The following SZT2 variants were observed in gnomAD, a reference collection of about 807,000 sequenced individuals.
SZT2 encodes SZT2 subunit of KICSTOR complex, also known as KICSTOR complex protein SZT2.
Under a neutral mutation model 404.2 loss-of-function variants are expected in SZT2, and 216 were observed. The observed-to-expected ratio is 0.53, with a 90% confidence interval of 0.48 to 0.60. The LOEUF (loss-of-function observed/expected upper bound fraction) is 0.60, where lower values mean the gene tolerates loss of function less well. Among genes scored for constraint, SZT2 ranks in the 20% least tolerant of loss-of-function variants. The probability of loss-of-function intolerance (pLI) is 0.00; values close to 1 mark genes in which losing one functional copy is unlikely to be tolerated. For synonymous variants in SZT2, 1,693 were observed against 1,749.9 expected, an observed-to-expected ratio of 0.97 and a Z score of 0.81; for missense variants, 3,857 against 4,459.2, an observed-to-expected ratio of 0.86 and a Z score of 3.85.
At position 43,450,577 on chromosome 1, in the gene SZT2, A is replaced by T. The variant is rs1488707120; in HGVS notation, c.*97A>T. The T allele has an allele frequency of 1.3e-6, 2 of 1,530,122 alleles. No individual in the cohort carries two copies. Among genetic ancestry groups the T allele is most frequent in the Non-Finnish European group, 1.8e-6 (2 of 1,123,606 alleles). The allele number at this position is 1,530,122 out of a possible 1,614,324, so 94.8% of individuals were successfully genotyped here. ...GGACTGACCAGCCCTTCTGGGCCCCAGGGCAAGCCAGACACTGAGTGACAC... is the reference window on the plus strand; with the variant it reads ...GGACTGACCAGCCCTTCTGGGCCCCTGGGCAAGCCAGACACTGAGTGACAC... On this transcript the variant is annotated 3_prime_UTR_variant, in exon 72 of 72. Transcript: ENST00000634258. The surrounding 1 kb of genome is among the most constrained non-coding windows in gnomAD (Gnocchi z 4.3).
rs933271091 is a variant in SZT2 at position 43,425,097 on chromosome 1, C to T, written c.2551-16C>T. Reference sequence around the variant, plus strand: ...CTTGGCTGGGATTTGCCCAAGATCTCCCATTTTGCCCACAGAATGAACCAC... The same window carrying T: ...CTTGGCTGGGATTTGCCCAAGATCTTCCATTTTGCCCACAGAATGAACCAC... On this transcript the variant is annotated splice_polypyrimidine_tract_variant and intron_variant, in intron 17 of 71. Coordinates refer to ENST00000634258, the MANE Select transcript of SZT2 (RefSeq NM_001365999.1). This position sits in a 1 kb window ranked among gnomAD's most constrained non-coding sequence, Gnocchi z 4.3. The T allele has an allele frequency of 6.8e-6, 11 of 1,614,108 alleles. No homozygotes were observed. Among genetic ancestry groups the T allele is most frequent in the Non-Finnish European group, 9.3e-6 (11 of 1,179,958 alleles).
rs1570658312 is a variant in SZT2, at chr1:43,428,277, C to T, written c.3957C>T (p.Thr1319=). The T allele has an allele frequency of 6.2e-7, 1 of 1,614,200 alleles. No individual in the cohort carries two copies. Among genetic ancestry groups the T allele is most frequent in the South Asian group, 1.1e-5 (1 of 91,084 alleles). ...FRSLQQAQSV[T]SQDLLTAVDA... ...GCTTGCAGCAAGCACAGAGTGTGAC[C>T]TCCCAGGATTTGCTGACAGCGGTAG... The change falls in exon 28 of 72, where the codon ACC becomes ACT. Residue 1319 remains threonine, a synonymous_variant. Coordinates refer to ENST00000634258, the MANE Select transcript of SZT2 (RefSeq NM_001365999.1).
In SZT2 at chr1:43,426,040, T is replaced by C. The variant is rs1064797110; in HGVS notation, c.2932T>C (p.Leu978=). Residue 978 remains leucine, a splice_region_variant and synonymous_variant, in exon 21 of 72, where the codon TTG becomes CTG. Transcript: ENST00000634258. This position sits in a 1 kb window ranked among gnomAD's most constrained non-coding sequence, Gnocchi z 4.9. ...LPPEPRVSDG[L]DQGGDTCVHE... ...GTCCTGTCCTTCCTCCCTCGTAGGA[T>C]TGGATCAGGGAGGAGACACCTGCGT... 6.2e-7 allele frequency: 1 copy of C among 1,613,946 alleles called. No homozygotes were observed. Among genetic ancestry groups the C allele is most frequent in the Non-Finnish European group, 8.5e-7 (1 of 1,179,952 alleles).
chr1:43,410,825 G>A (rs1195281629), intron 4 of SZT2, among the ~76,000 whole-genome samples: 1 of 151,954 alleles, frequency 6.6e-6, no homozygotes, highest in Non-Finnish European at 1.5e-5. Flanking sequence ...ATTTGCTATA[G>A]CTGCCAGGCA....
At position 43,450,622 on chromosome 1, in the gene SZT2, T is replaced by C. The variant is rs930690740; in HGVS notation, c.*142T>C. ...TGACACCAAAGGCTTTGTAACTATGTCTTGAGGGTCTGCTGCCCCAGCCTG... is the reference window on the plus strand; with the variant it reads ...TGACACCAAAGGCTTTGTAACTATGCCTTGAGGGTCTGCTGCCCCAGCCTG... On this transcript the variant is annotated 3_prime_UTR_variant, in exon 72 of 72. Transcript: ENST00000634258. This position sits in a 1 kb window ranked among gnomAD's most constrained non-coding sequence, Gnocchi z 4.3. 2.4e-6 allele frequency: 3 copies of C among 1,267,450 alleles called. No individual in the cohort carries two copies. Among genetic ancestry groups the C allele is most frequent in the Non-Finnish European group, 3.3e-6 (3 of 918,630 alleles). The allele number at this position is 1,267,450 out of a possible 1,614,324, so 78.5% of individuals were successfully genotyped here. A position where few individuals can be genotyped will look rare whatever the true frequency, so the allele number is the denominator to read the frequency against.
At chr1:43,440,138 A>G in intron 51 of SZT2, 90 bp downstream of exon 51, 5 of 1,542,450 alleles carry the variant, frequency 3.2e-6, no homozygotes, top group Non-Finnish European at 4.4e-6. Context: ...GGTGGGGTTT[A>G]GGGGAAGCAT....
Position 43,443,254 on chromosome 1 carries a change from C to T in SZT2, c.8486C>T (p.Thr2829Ile). 1 of 1,614,170 alleles carries T rather than the reference C, an allele frequency of 6.2e-7. No individual in the cohort carries two copies. The highest frequency in any genetic ancestry group is 8.5e-7 in the Non-Finnish European group (1 of 1,180,014). ...TGGCAGCAGCGTTCTACCCCAGCCA[C>T]CATGCCCATCAGTGTGAGTGACCCC... ...VTWQQRSTPATMPISAGELET... is the reference protein window; with the variant it reads ...VTWQQRSTPAIMPISAGELET... Residue 2829 changes from threonine (T) to isoleucine (I), a missense_variant, in exon 60 of 72, where the codon ACC becomes ATC. By Grantham distance (89) the Thr-to-Ile change is moderately conservative (BLOSUM62 -1). This residue lies in a region of SZT2 where 717 missense variants were observed against 868.2 expected (regional missense o/e 0.83). Transcript: ENST00000634258.
chr1:43,437,275 C>G lies in SZT2; in HGVS notation c.6139C>G (p.Arg2047Gly). Reference sequence around the variant, plus strand: ...TGACGTTGTGTGGGGAACTGTGATCCGAGTCCATTCACGCCTCAAAATGGG... The same window carrying G: ...TGACGTTGTGTGGGGAACTGTGATCGGAGTCCATTCACGCCTCAAAATGGG... ...SCDVVWGTVI[R>G]VHSRLKMGPS... Residue 2047 changes from arginine to glycine, a missense_variant, in exon 43 of 72, where the codon CGA becomes GGA. Physicochemically the swap from Arg to Gly is moderately radical, Grantham distance 125. Transcript: ENST00000634258. This position sits in a 1 kb window ranked among gnomAD's most constrained non-coding sequence, Gnocchi z 5.3. 6.2e-7 allele frequency: 1 copy of G among 1,613,986 alleles called. No individual in the cohort carries two copies. Among genetic ancestry groups the G allele is most frequent in the Non-Finnish European group, 8.5e-7 (1 of 1,179,990 alleles).
Position 43,451,896 on chromosome 1 carries a change from T to C in SZT2, c.*1416T>C. 1 of 1,613,578 alleles carries C rather than the reference T, an allele frequency of 6.2e-7. No individual in the cohort carries two copies. The highest frequency in any genetic ancestry group is 1.7e-5 in the Admixed American group (1 of 60,006). On this transcript the variant is annotated 3_prime_UTR_variant, in exon 72 of 72. Coordinates refer to ENST00000634258, the MANE Select transcript of SZT2 (RefSeq NM_001365999.1). ...ACCGTGAGCCTCAAGAGCACAGGAA[T>C]CAAAAGGGACAGAAGGAGAGACAGG... is the stretch of plus-strand genomic sequence containing the variant.
In SZT2 at chr1:43,424,188, G is replaced by A; in HGVS notation, c.2256-29G>A. ...GCGTGGCTTAGCCGGGGATGAGAGA[G>A]ATAGCTGGGGAGTTGTCCCATTTCC... On this transcript the variant is annotated intron_variant, in intron 15 of 71. Transcript: ENST00000634258. The surrounding 1 kb of genome is among the most constrained non-coding windows in gnomAD (Gnocchi z 4.1). 1 of 1,582,258 alleles carries A rather than the reference G, an allele frequency of 6.3e-7. No homozygotes were observed. The highest frequency in any genetic ancestry group is 8.6e-7 in the Non-Finnish European group (1 of 1,168,616).
chr1:43,435,369 T>G (rs775819789), intron 42 of SZT2, 40 bp downstream of exon 42: 5 of 1,609,292 alleles, frequency 3.1e-6, no homozygotes, highest in Non-Finnish European at 4.2e-6. Context: ...AAGGCAGTGC[T>G]GCCGCCCTTT....
At position 43,452,257 on chromosome 1, in the gene SZT2, A is replaced by G. The variant is rs1430934912; in HGVS notation, c.*1777A>G. 1 of 1,614,050 alleles carries G rather than the reference A, an allele frequency of 6.2e-7. No individual in the cohort carries two copies. The highest frequency in any genetic ancestry group is 8.5e-7 in the Non-Finnish European group (1 of 1,179,988). On this transcript the variant is annotated 3_prime_UTR_variant, in exon 72 of 72. Transcript: ENST00000634258. ...CAGGTTCTCCAGAAAAACGGCCTCC[A>G]TCTCAGCCTTGACTGCTATTCGATC... is the stretch of plus-strand genomic sequence containing the variant.
rs1182402843 is a variant in SZT2, at chr1:43,452,981, C to G, written c.*2501C>G. ...ACCCTTGCAAGGAACACTCAACTTC[C>G]TGCCCATCAAGCAATGCCCACTCCT... is the stretch of plus-strand genomic sequence containing the variant. On this transcript the variant is annotated 3_prime_UTR_variant, in exon 72 of 72. Transcript: ENST00000634258. The G allele has an allele frequency of 1.2e-6, 2 of 1,604,614 alleles. No individual in the cohort carries two copies. Among genetic ancestry groups the G allele is most frequent in the South Asian group, 2.2e-5 (2 of 89,666 alleles).
In SZT2 at chr1:43,454,120, G is replaced by C. The variant is rs936161253; in HGVS notation, c.*3640G>C. On this transcript the variant is annotated 3_prime_UTR_variant, in exon 72 of 72. Coordinates refer to ENST00000634258, the MANE Select transcript of SZT2 (RefSeq NM_001365999.1). ...GCAAGAGAGAGCTGGCTGCCCGAGG[G>C]CCCGGTTGCAATGATGGGACGCGCA... is the stretch of plus-strand genomic sequence containing the variant. The C allele has an allele frequency of 2.4e-4, 223 of 937,808 alleles. No homozygotes were observed. Among genetic ancestry groups the C allele is most frequent in the Middle Eastern group, 1.4e-3 (3 of 2,184 alleles). The allele number at this position is 937,808 out of a possible 1,614,324, so 58.1% of individuals were successfully genotyped here.
rs1230429909 is a variant in SZT2 at position 43,453,241 on chromosome 1, C to T, written c.*2761C>T. 1.5e-5 allele frequency: 10 copies of T among 648,390 alleles called. No homozygotes were observed. Among genetic ancestry groups the T allele is most frequent in the African/African-American group, 1.5e-4 (8 of 54,788 alleles). The allele number at this position is 648,390 out of a possible 1,614,324, so 40.2% of individuals were successfully genotyped here. On this transcript the variant is annotated 3_prime_UTR_variant, in exon 72 of 72. Transcript: ENST00000634258. ...CATAAGACAGATAAAATACAAAAGG[C>T]AATTTACAAAGGACCAGGACCGCAG...
In SZT2 at chr1:43,420,090, C is replaced by T. The variant is rs1158210896; in HGVS notation, c.1091-63C>T. On this transcript the variant is annotated intron_variant, in intron 8 of 71. Coordinates refer to ENST00000634258, the MANE Select transcript of SZT2 (RefSeq NM_001365999.1). This position sits in a 1 kb window ranked among gnomAD's most constrained non-coding sequence, Gnocchi z 5.1. ...AGTCATTTCAGCATAGCCCCTTCCC[C>T]CTACAGATCTGTCAGTTGGCAGATA... is the stretch of plus-strand genomic sequence containing the variant. 3 of 1,582,978 alleles carry T rather than the reference C, an allele frequency of 1.9e-6. No homozygotes were observed. Among genetic ancestry groups the T allele is most frequent in the Non-Finnish European group, 2.6e-6 (3 of 1,170,316 alleles).
chr1:43,417,339 A>G (rs1651829755), intron 7 of SZT2, among the ~76,000 whole-genome samples: 1 of 152,174 alleles, frequency 6.6e-6, no homozygotes, highest in African/African-American at 2.4e-5. Flanking sequence ...GATGGGGGTA[A>G]GGAGATGAGA....
At chr1:43,390,180 A>T (rs1370677662) in intron 1 of SZT2, among the ~76,000 whole-genome samples, 185 bp downstream of exon 1, 3 of 152,224 alleles carry the variant, frequency 2.0e-5, no homozygotes, top group Non-Finnish European at 4.4e-5. Flanking sequence ...CGCGGTCCGC[A>T]GTTTCCTCGG....
In SZT2 at chr1:43,424,635, C is replaced by T. The variant is rs915466476; in HGVS notation, c.2472-149C>T. 16 of 851,292 alleles carry T rather than the reference C, an allele frequency of 1.9e-5. No homozygotes were observed. The highest frequency in any genetic ancestry group is 3.4e-5 in the African/African-American group (2 of 59,356). 52.7% of individuals were successfully genotyped at this position (851,292 alleles called of 1,614,324 possible). On this transcript the variant is annotated intron_variant, in intron 16 of 71. Coordinates refer to ENST00000634258, the MANE Select transcript of SZT2 (RefSeq NM_001365999.1). This position sits in a 1 kb window ranked among gnomAD's most constrained non-coding sequence, Gnocchi z 4.1. ...TCTCATCCTCACTGGATTTGTTATA[C>T]CCTGAGGGACCGCCAGTCTAAGCAG...
Sources: gnomAD v4.1 joint callset for allele counts (sites outside exome capture counted in the v4.1 genomes callset) on GRCh38, gnomAD v4.1.1 for gene constraint, gnomAD v4.1.1 regional missense constraint, Gnocchi (gnomAD v3.1) non-coding constraint, MANE v1.5 for transcripts, NCBI Gene and HGNC (gene_info 2026-07-23, HGNC 2026-07-21) for gene names.